Variants in CDC45 observed in about 807,000 individuals in gnomAD.
The protein encoded by CDC45 is cell division cycle 45.
In CDC45, 54 loss-of-function variants were observed where a neutral mutation model predicts 77.8. The ratio of observed to expected loss-of-function variants is 0.69; its 90% CI spans 0.56 to 0.87. The LOEUF (loss-of-function observed/expected upper bound fraction) is 0.87. Among genes scored for constraint, CDC45 ranks in the 40% least tolerant of loss-of-function variants. The pLI is 0.00. For missense variants in CDC45, 649 were observed against 721.6 expected (o/e 0.90, Z 1.15); for synonymous variants, 260 against 272.1 (o/e 0.96, Z 0.44).
rs145447533 is a variant in CDC45, at chr22:19,484,330, A to G, written c.486+325A>G. On this transcript the variant is annotated intron_variant, in intron 5 of 18. Coordinates refer to ENST00000263201, the MANE Select transcript of CDC45 (RefSeq NM_003504.5). ...TGTAACCCCCACCCCTTCCTTTTCTACTGTCTTCTAGCATCACTTACTATG... is the reference window on the plus strand; with the variant it reads ...TGTAACCCCCACCCCTTCCTTTTCTGCTGTCTTCTAGCATCACTTACTATG... 6.3e-3 allele frequency among the ~76,000 whole-genome samples: 962 copies of G among 152,292 alleles called. 7 individuals are homozygous for G. Among genetic ancestry groups the G allele is most frequent in the Admixed American group, 0.011 (166 of 15,292 alleles).
chr22:19,494,565 G>A (rs756569539), intron 6 of CDC45, 183 bp downstream of exon 6: 19 of 1,549,000 alleles, frequency 1.2e-5, no homozygotes, highest in East Asian at 1.2e-4. Context: ...GTTGTTCGCC[G>A]GTCCCATGAG....
intron 13 of CDC45, among the ~76,000 whole-genome samples, chr22:19,509,372 C>T (rs974648465): frequency 2.0e-5 from 3 of 152,160 alleles, no homozygotes; most frequent in Non-Finnish European, 2.9e-5. Flanking sequence ...CCAGAGTTGG[C>T]GTCAGTTCAG....
At chr22:19,501,233 C>G (rs1053772239) in intron 9 of CDC45, among the ~76,000 whole-genome samples, 2 of 151,996 alleles carry the variant, frequency 1.3e-5, no homozygotes, top group Non-Finnish European at 2.9e-5. Flanking sequence ...ACCTGAAGCC[C>G]CTTATGGGTA....
intron 3 of CDC45, among the ~76,000 whole-genome samples, chr22:19,482,465 G>A (rs2089998029): frequency 6.6e-6 from 1 of 152,212 alleles, no homozygotes; most frequent in Non-Finnish European, 1.5e-5. Context: ...CTGAGTCTCA[G>A]CGTGCTCCTG....
Position 19,481,178 on chromosome 22 carries a change from C to T in CDC45, c.204+133C>T, listed in dbSNP as rs2089976328. The T allele has an allele frequency of 5.1e-6, 3 of 588,588 alleles. No individual in the cohort carries two copies. The South Asian group carries it at 7.1e-5, about 14-fold the overall frequency. 36.5% of individuals were successfully genotyped at this position (588,588 alleles called of 1,614,324 possible). On this transcript the variant is annotated intron_variant, in intron 3 of 18. Transcript: ENST00000263201. Reference sequence around the variant, plus strand: ...CATTAGGCAATATGGAAGAGAAAAACATGCTGTATTTACTGGTGACTTACC... The same window carrying T: ...CATTAGGCAATATGGAAGAGAAAAATATGCTGTATTTACTGGTGACTTACC...
At chr22:19,485,863 G>T (rs1409444660) in intron 5 of CDC45, among the ~76,000 whole-genome samples, 1 of 152,128 alleles carries the variant, frequency 6.6e-6, no homozygotes, top group Non-Finnish European at 1.5e-5. Flanking sequence ...GATTGATGAA[G>T]CCCAGGAATT....
At chr22:19,492,339 C>G (rs2090166059) in intron 5 of CDC45, among the ~76,000 whole-genome samples, 2 of 152,090 alleles carry the variant, frequency 1.3e-5, no homozygotes, top group Non-Finnish European at 2.9e-5. Context: ...CCCCTTCATT[C>G]TGCTCTCGAG....
In CDC45 at chr22:19,507,612, C is replaced by T; in HGVS notation, c.956+95C>T. On this transcript the variant is annotated intron_variant, in intron 11 of 18. Coordinates refer to ENST00000263201, the MANE Select transcript of CDC45 (RefSeq NM_003504.5). ...TTGTGACCAACTTAGTTATAAAATG[C>T]AGCCTGTTCTGCCATAAGCTCCTTG... 2.0e-6 allele frequency: 3 copies of T among 1,515,034 alleles called. No individual in the cohort carries two copies. The East Asian group carries it at 6.8e-5, about 34-fold the overall frequency. 93.8% of individuals were successfully genotyped at this position (1,515,034 alleles called of 1,614,324 possible). A position where few individuals can be genotyped will look rare whatever the true frequency, so the allele number is the denominator to read the frequency against.
At chr22:19,479,889 C>T (rs2089943957), upstream of CDC45, 13 of 1,406,440 alleles carry the variant, frequency 9.2e-6, no homozygotes, top group Middle Eastern at 2.4e-4. Context: ...ATCGGAGGAG[C>T]CGTGATTTGG....
chr22:19,492,910 AG>A (rs2090174397), intron 5 of CDC45, among the ~76,000 whole-genome samples: 1 of 152,168 alleles, frequency 6.6e-6, no homozygotes, highest in Non-Finnish European at 1.5e-5. Flanking sequence ...CATTACTAGA[AG>A]GTGGGGGTGG....
chr22:19,489,013 A>G (rs1195258155), intron 5 of CDC45, among the ~76,000 whole-genome samples: 1 of 152,000 alleles, frequency 6.6e-6, no homozygotes, highest in African/African-American at 2.4e-5. Flanking sequence ...CTGTCTCTAC[A>G]AAAACTACAA....
Position 19,495,572 on chromosome 22 carries a change from C to G in CDC45, c.543-409C>G, listed in dbSNP as rs138225262. Among the ~76,000 whole-genome samples the G allele has an allele frequency of 2.4e-3, 373 of 152,332 alleles. 1 individual carries two copies. The highest frequency in any genetic ancestry group is 6.8e-3 in the Middle Eastern group (2 of 294). On this transcript the variant is annotated intron_variant, in intron 6 of 18. Coordinates refer to ENST00000263201, the MANE Select transcript of CDC45 (RefSeq NM_003504.5). ...GTGGCTCATGCCTATAATCCCAATA[C>G]TTTGGGAAGCCAAGGTGGAAGGACT...
chr22:19,493,323 A>G (rs760308606), intron 5 of CDC45, among the ~76,000 whole-genome samples: 1 of 151,416 alleles, frequency 6.6e-6, no homozygotes, highest in African/African-American at 2.4e-5. Context: ...CAACTCTGGC[A>G]TATATGAACC....
chr22:19,484,368 A>G (rs2090032900), intron 5 of CDC45, among the ~76,000 whole-genome samples: 1 of 152,050 alleles, frequency 6.6e-6, no homozygotes, highest in African/African-American at 2.4e-5. Context: ...GTCACTGCAG[A>G]GGAGCAATGT....
At chr22:19,495,652 T>G (rs1006018031) in intron 6 of CDC45, among the ~76,000 whole-genome samples, 1 of 152,218 alleles carries the variant, frequency 6.6e-6, no homozygotes, top group Non-Finnish European at 1.5e-5. Context: ...ACTTTGTCTC[T>G]ATTAAAAAAT....
chr22:19,515,059 A>G lies in CDC45; in HGVS notation c.1440+11A>G. The G allele has an allele frequency of 6.3e-7, 1 of 1,589,628 alleles. No individual in the cohort carries two copies. Among genetic ancestry groups the G allele is most frequent in the African/African-American group, 1.3e-5 (1 of 74,676 alleles). On this transcript the variant is annotated intron_variant, in intron 15 of 18. Coordinates refer to ENST00000263201, the MANE Select transcript of CDC45 (RefSeq NM_003504.5). ...TCCTTTGTGTGTTCGGTGAGGGGCC[A>G]GGCGGGTGCTGTGGGTACAGGAGGG...
intron 8 of CDC45, 27 bp from the exon 9 acceptor site, chr22:19,499,074 C>T (rs188070543): frequency 5.3e-5 from 86 of 1,613,500 alleles, no homozygotes; most frequent in East Asian, 4.5e-4. Context: ...GGCTATAGGC[C>T]GGCTCCACTG....
chr22:19,518,785 G>A, intron 17 of CDC45, 59 bp from the exon 18 acceptor site: 4 of 1,405,226 alleles, frequency 2.8e-6, no homozygotes, highest in Non-Finnish European at 4.0e-6. Context: ...GGAGTTCTGT[G>A]CCCTGTCTTG....
chr22:19,514,955 G>A lies in CDC45; in HGVS notation c.1357-10G>A, dbSNP rs747158606. On this transcript the variant is annotated splice_polypyrimidine_tract_variant and intron_variant, in intron 14 of 18. Transcript: ENST00000263201. ...GTGGCTTCGTCTGACCATCTGTCTC[G>A]CCTCCGCAGGGCACTCCAGATGTCA... is the stretch of plus-strand genomic sequence containing the variant. 2 of 1,614,172 alleles carry A rather than the reference G, an allele frequency of 1.2e-6. No homozygotes were observed. Among genetic ancestry groups the A allele is most frequent in the South Asian group, 1.1e-5 (1 of 91,088 alleles).
Sources: gnomAD v4.1 joint callset for allele counts (sites outside exome capture counted in the v4.1 genomes callset) on GRCh38, gnomAD v4.1.1 for gene constraint, MANE v1.5 for transcripts, NCBI Gene and HGNC (gene_info 2026-07-23, HGNC 2026-07-21) for gene names.